Variants in CLNS1A observed in about 807,000 individuals in gnomAD.
The protein encoded by CLNS1A is chloride nucleotide-sensitive channel 1A.
A neutral mutation model predicts 29.4 loss-of-function variants in CLNS1A; 16 were observed. That is an observed-to-expected ratio of 0.54 (90% CI 0.37 to 0.83). CLNS1A has a LOEUF of 0.83. CLNS1A is among the 40% of genes least tolerant of loss of function. CLNS1A has a pLI of 0.00. For synonymous variants in CLNS1A, 96 were observed against 104.8 expected (o/e 0.92, Z 0.51); for missense variants, 235 against 287.4 (o/e 0.82, Z 1.32).
intron 1 of CLNS1A, among the ~76,000 whole-genome samples, chr11:77,635,445 G>A (rs189181404): frequency 2.0e-5 from 3 of 150,908 alleles, no homozygotes; most frequent in East Asian, 2.0e-4. Flanking sequence ...TCCGCCTCTC[G>A]GGTTCAAGCG....
chr11:77,634,402 CCT>C (rs1959103028), intron 1 of CLNS1A, among the ~76,000 whole-genome samples: 1 of 151,930 alleles, frequency 6.6e-6, no homozygotes, highest in African/African-American at 2.4e-5. Flanking sequence ...GTATTTATAC[CCT>C]TTTTTTGTAT....
intron 2 of CLNS1A, among the ~76,000 whole-genome samples, chr11:77,629,485 C>G (rs1959052957): frequency 6.6e-6 from 1 of 151,944 alleles, no homozygotes; most frequent in African/African-American, 2.4e-5. Context: ...GCTCCACCTC[C>G]CAGGTTCACA....
At chr11:77,637,457 T>A in intron 1 of CLNS1A, 133 bp downstream of exon 1, 3 of 1,172,828 alleles carry the variant, frequency 2.6e-6, no homozygotes, top group Non-Finnish European at 3.5e-6. Context: ...CAGGTATCCC[T>A]GAGGCGTCGG....
intron 5 of CLNS1A, chr11:77,621,853 G>A: frequency 2.4e-6 from 1 of 411,030 alleles, no homozygotes; most frequent in Non-Finnish European, 4.8e-6. Context: ...GCCTCAATAG[G>A]AAAAAGACTC....
intron 6 of CLNS1A, 158 bp downstream of exon 6, chr11:77,619,448 C>T: frequency 3.4e-6 from 2 of 586,098 alleles, no homozygotes; most frequent in Admixed American, 2.9e-5. Context: ...AGGTGGATTG[C>T]TTGAGTTCAA....
chr11:77,627,656 T>G (rs1959034052), intron 2 of CLNS1A, among the ~76,000 whole-genome samples: 2 of 152,184 alleles, frequency 1.3e-5, no homozygotes, highest in African/African-American at 4.8e-5. Flanking sequence ...TTTTTCCTAG[T>G]TTAGGACTCA....
intron 2 of CLNS1A, among the ~76,000 whole-genome samples, chr11:77,627,328 A>C (rs1353643878): frequency 6.6e-6 from 1 of 151,248 alleles, no homozygotes; most frequent in Admixed American, 6.6e-5. Flanking sequence ...AGTCCCAGCT[A>C]CTCGGGAGGC....
rs1958970529 is a variant in CLNS1A at position 77,622,618 on chromosome 11, A to G, written c.528T>C (p.His176=). 6.2e-7 allele frequency: 1 copy of G among 1,613,706 alleles called. No homozygotes were observed. Among genetic ancestry groups the G allele is most frequent in the Non-Finnish European group, 8.5e-7 (1 of 1,179,802 alleles). The change falls in exon 5 of 7, where the codon CAT becomes CAC. Residue 176 remains histidine (H), a synonymous_variant. Coordinates refer to ENST00000525428, the MANE Select transcript of CLNS1A (RefSeq NM_001293.3). ...TFYTYEEGLS[H]LTAEGQATLE... Reference sequence around the variant, plus strand: ...GTGTGGCTTGGCCTTCTGCTGTTAGATGGGATAATCCTTCTTCATAGGTGT... The same window carrying G: ...GTGTGGCTTGGCCTTCTGCTGTTAGGTGGGATAATCCTTCTTCATAGGTGT...
At chr11:77,629,678 G>A in intron 2 of CLNS1A, 85 bp downstream of exon 2, 1 of 1,358,074 alleles carries the variant, frequency 7.4e-7, no homozygotes, top group Non-Finnish European at 1.0e-6. Context: ...ACAGGCGTGA[G>A]CCACCGTGCC....
At chr11:77,637,338 G>GAAAAAAAAAAAAAA (rs57598480) in intron 1 of CLNS1A, among the ~76,000 whole-genome samples, 1 of 107,382 alleles carries the variant, frequency 9.3e-6, no homozygotes, top group East Asian at 2.7e-4. Flanking sequence ...AGGAAAAAAA[G>GAAAAAAAAAAAAAA]AAAAAAAAAA....
Position 77,633,239 on chromosome 11 carries a change from C to T in CLNS1A, c.126-3340G>A, listed in dbSNP as rs11825742. 8.7e-3 allele frequency among the ~76,000 whole-genome samples: 1,325 copies of T among 152,154 alleles called. 17 individuals are homozygous for T. Among genetic ancestry groups the T allele is most frequent in the African/African-American group, 0.028 (1,169 of 41,494 alleles). Reference sequence around the variant, plus strand: ...GATTTTCTAATTCTAGCAGAGGCCACGATGAAATAGGCCAGACATGCTGCC... The same window carrying T: ...GATTTTCTAATTCTAGCAGAGGCCATGATGAAATAGGCCAGACATGCTGCC... On this transcript the variant is annotated intron_variant, in intron 1 of 6. Coordinates refer to ENST00000525428, the MANE Select transcript of CLNS1A (RefSeq NM_001293.3).
At chr11:77,626,678 T>C (rs1004506817) in intron 2 of CLNS1A, among the ~76,000 whole-genome samples, 2 of 148,650 alleles carry the variant, frequency 1.3e-5, no homozygotes, top group Non-Finnish European at 3.0e-5. Context: ...TGAGCCACTA[T>C]GCCCGGTCCT....
At chr11:77,620,666 G>A (rs578058799) in intron 5 of CLNS1A, among the ~76,000 whole-genome samples, 22 of 151,974 alleles carry the variant, frequency 1.4e-4, no homozygotes, top group African/African-American at 4.1e-4. Flanking sequence ...AAAATTACCC[G>A]GGCATGGTGG....
rs565405827 is a variant in CLNS1A, at chr11:77,619,698, A to T, written c.647-3T>A. 2 of 1,610,728 alleles carry T rather than the reference A, an allele frequency of 1.2e-6. No individual in the cohort carries two copies. The highest frequency in any genetic ancestry group is 1.7e-5 in the Admixed American group (1 of 60,020). On this transcript the variant is annotated splice_region_variant and splice_polypyrimidine_tract_variant and intron_variant, in intron 5 of 6. Transcript: ENST00000525428. Reference sequence around the variant, plus strand: ...TGTGGTATCCACCTCCATCCCATCTAAACAAAAAAATTAATTACTGAGCAA... The same window carrying T: ...TGTGGTATCCACCTCCATCCCATCTTAACAAAAAAATTAATTACTGAGCAA...
chr11:77,625,353 C>G, intron 3 of CLNS1A: 1 of 467,892 alleles, frequency 2.1e-6, no homozygotes, highest in South Asian at 3.2e-5. Context: ...GAAGACTGCT[C>G]TCAGCTGATA....
At chr11:77,634,196 C>A (rs1037521718) in intron 1 of CLNS1A, among the ~76,000 whole-genome samples, 1 of 152,050 alleles carries the variant, frequency 6.6e-6, no homozygotes, top group African/African-American at 2.4e-5. Context: ...GAGACTAAAC[C>A]AAGTCCAGCC....
At position 77,619,641 on chromosome 11, in the gene CLNS1A, T is replaced by C. The variant is rs760048324; in HGVS notation, c.701A>G (p.Asp234Gly). 30 of 1,613,568 alleles carry C rather than the reference T, an allele frequency of 1.9e-5. No homozygotes were observed. The highest frequency in any genetic ancestry group is 2.5e-5 in the Non-Finnish European group (29 of 1,179,624). Residue 234 changes from aspartate to glycine, a missense_variant, in exon 6 of 7, where the codon GAT (aspartate) becomes GGT (glycine). By Grantham distance (94) the Asp-to-Gly change is moderately conservative. Coordinates refer to ENST00000525428, the MANE Select transcript of CLNS1A (RefSeq NM_001293.3). ...PTVAGQFEDA[D>G]VDH ...CATAAATCATTTTCAGTGATCAACA[T>C]CTGCATCCTCAAACTGTCCAGCAAC...
At chr11:77,625,919 G>A in intron 2 of CLNS1A, 101 bp from the exon 3 acceptor site, 1 of 1,011,202 alleles carries the variant, frequency 9.9e-7, no homozygotes, top group Non-Finnish European at 1.4e-6. Context: ...TTCCAATTAT[G>A]GTTGACAAAT....
intron 5 of CLNS1A, among the ~76,000 whole-genome samples, chr11:77,621,348 A>G (rs536252638): frequency 6.6e-6 from 1 of 152,274 alleles, no homozygotes; most frequent in East Asian, 1.9e-4. Flanking sequence ...ATACACACAC[A>G]AAAGGACACA....
Sources: allele counts gnomAD v4.1 joint callset (sites outside exome capture counted in the v4.1 genomes callset), GRCh38; gene constraint gnomAD v4.1.1; transcripts MANE v1.5; gene names NCBI Gene and HGNC (gene_info 2026-07-23, HGNC 2026-07-21).